PIWIL3: variants seen among roughly 807,000 people sequenced by gnomAD.
PIWIL3 encodes the protein piwi-like protein 3.
A neutral mutation model predicts 109.7 loss-of-function variants in PIWIL3; 101 were observed. That is an observed-to-expected ratio of 0.92 (90% CI 0.78 to 1.09). The LOEUF is 1.09. Ranked by LOEUF, PIWIL3 falls within the 50% of genes least tolerant of loss-of-function variation. The pLI is 0.00. For missense variants in PIWIL3, 1,031 were observed against 1,072.6 expected, an observed-to-expected ratio of 0.96 and a Z score of 0.54; for synonymous variants, 373 against 376.4, an observed-to-expected ratio of 0.99 and a Z score of 0.10.
chr22:24,721,558 A>G (rs1221794260), intron 19 of PIWIL3, among the ~76,000 whole-genome samples: 16 of 152,068 alleles, frequency 1.1e-4, no homozygotes, highest in Non-Finnish European at 1.5e-5. Context: ...CATATCTTCC[A>G]TATCTTTATG....
chr22:24,744,321 C>A (rs1000693982), intron 12 of PIWIL3, among the ~76,000 whole-genome samples: 4 of 151,706 alleles, frequency 2.6e-5, no homozygotes, highest in Non-Finnish European at 4.4e-5. Context: ...GCCTGTAATC[C>A]CAGCACTTTG....
At chr22:24,729,740 G>A (rs9620429) in intron 14 of PIWIL3, among the ~76,000 whole-genome samples, 3,159 of 152,272 alleles carry the variant, frequency 0.021, 104 homozygotes, top group African/African-American at 0.067. Flanking sequence ...TCACATGAAA[G>A]GGTGTAGAAT....
intron 7 of PIWIL3, 79 bp downstream of exon 7, chr22:24,754,705 C>T: frequency 8.2e-7 from 1 of 1,218,640 alleles, no homozygotes; most frequent in Non-Finnish European, 1.2e-6. Flanking sequence ...CATACCACTT[C>T]AAATATGAAA....
At chr22:24,724,592 G>T (rs779958715) in intron 18 of PIWIL3, among the ~76,000 whole-genome samples, 66 of 151,824 alleles carry the variant, frequency 4.3e-4, no homozygotes, top group Admixed American at 2.3e-3. Flanking sequence ...GCACCACCAC[G>T]CCCGGCTAAT....
At chr22:24,729,579 G>T (rs904880424) in intron 14 of PIWIL3, among the ~76,000 whole-genome samples, 2 of 152,178 alleles carry the variant, frequency 1.3e-5, no homozygotes, top group African/African-American at 4.8e-5. Context: ...CAGTTAGGCA[G>T]ACTGGTTACT....
intron 3 of PIWIL3, among the ~76,000 whole-genome samples, chr22:24,758,414 T>C (rs1457111374): frequency 6.6e-6 from 1 of 152,230 alleles, no homozygotes; most frequent in Non-Finnish European, 1.5e-5. Flanking sequence ...AAAAAATCTA[T>C]AAAACTGGCT....
intron 12 of PIWIL3, among the ~76,000 whole-genome samples, chr22:24,747,427 A>C (rs1924437549): frequency 6.6e-6 from 1 of 152,188 alleles, no homozygotes; most frequent in South Asian, 2.1e-4. Context: ...CCCCACAAGC[A>C]CAGGCAACTA....
intron 12 of PIWIL3, among the ~76,000 whole-genome samples, chr22:24,739,821 C>T (rs576418464): frequency 2.6e-5 from 4 of 152,060 alleles, no homozygotes; most frequent in South Asian, 4.2e-4. Context: ...GAGGCCGAGG[C>T]GGGAGGATCA....
intron 16 of PIWIL3, among the ~76,000 whole-genome samples, chr22:24,726,539 C>T (rs1035465049): frequency 1.3e-5 from 2 of 152,176 alleles, no homozygotes; most frequent in African/African-American, 2.4e-5. Flanking sequence ...CCCGCCTCAG[C>T]CTCCCAAAGT....
chr22:24,729,411 G>C (rs1420112280), intron 14 of PIWIL3, among the ~76,000 whole-genome samples: 1 of 152,110 alleles, frequency 6.6e-6, no homozygotes, highest in South Asian at 2.1e-4. Context: ...GGCACTTGCC[G>C]AGTGGTTCAC....
intron 1 of PIWIL3, among the ~76,000 whole-genome samples, chr22:24,767,311 G>A (rs1034678888): frequency 1.8e-4 from 27 of 151,968 alleles, no homozygotes; most frequent in South Asian, 6.2e-4. Flanking sequence ...TGAGGTGGGC[G>A]GATAACCTGA....
chr22:24,755,390 T>C lies in PIWIL3; in HGVS notation c.692+394A>G, dbSNP rs532630239. On this transcript the variant is annotated intron_variant, in intron 6 of 20. Transcript: ENST00000616349. ...CACCCGCCTCAGCCTCCCAAAGTGC[T>C]GGGATTACAGGCGTGAGCCACCACG... 3.3e-5 allele frequency among the ~76,000 whole-genome samples: 5 copies of C among 152,372 alleles called. No individual in the cohort carries two copies. The South Asian group carries it at 1.0e-3, about 32-fold the overall frequency.
At position 24,754,787 on chromosome 22, in the gene PIWIL3, T is replaced by G. The variant is rs747858803; in HGVS notation, c.770A>C (p.His257Pro). The G allele has an allele frequency of 6.2e-7, 1 of 1,601,540 alleles. No individual in the cohort carries two copies. The highest frequency in any genetic ancestry group is 8.6e-7 in the Non-Finnish European group (1 of 1,168,748). ...TKKKAIQLYR[H>P]GTSLEIWLGY... is the part of the protein sequence containing the mutation. The stretch of plus-strand genomic sequence containing the variant: ...AAATTTTCTACTTTATACAAACCCA[T>G]GACGGTATAACTGAATGGCCTTCTT... The change falls in exon 7 of 21, where the codon CAT becomes CCT. Residue 257 changes from histidine to proline, a missense_variant. Physicochemically the swap from His to Pro is moderately conservative, Grantham distance 77. Coordinates refer to ENST00000616349, the MANE Select transcript of PIWIL3 (RefSeq NM_001255975.1).
At chr22:24,738,809 C>T (rs975624513) in intron 12 of PIWIL3, among the ~76,000 whole-genome samples, 1 of 152,090 alleles carries the variant, frequency 6.6e-6, no homozygotes, top group African/African-American at 2.4e-5. Context: ...TTTCAATGCC[C>T]AAACACTCAT....
At chr22:24,751,353 A>T in intron 9 of PIWIL3, 34 bp downstream of exon 9, 1 of 1,544,772 alleles carries the variant, frequency 6.5e-7, no homozygotes, top group Non-Finnish European at 8.8e-7. Context: ...AAGGTTTACA[A>T]TTTAAATATA....
Position 24,755,887 on chromosome 22 carries a change from T to TG in PIWIL3, c.588dup (p.Thr197HisfsTer13), listed in dbSNP as rs1924998860. 2 of 1,613,590 alleles carry TG rather than the reference T, an allele frequency of 1.2e-6. No homozygotes were observed. Among genetic ancestry groups the TG allele is most frequent in the Non-Finnish European group, 1.7e-6 (2 of 1,179,788 alleles). On this transcript the variant is annotated frameshift_variant, in exon 6 of 21. Transcript: ENST00000616349. LOFTEE classifies it high-confidence loss of function. ...TTCACGATGTTTTTGTCTTTGGTTG[T>TG]GCTCAACCATTCCACTCTCTGAGAT...
intron 20 of PIWIL3, 25 bp downstream of exon 20, chr22:24,719,723 G>GA (rs1922546665): frequency 6.3e-7 from 1 of 1,596,622 alleles, no homozygotes; most frequent in Non-Finnish European, 8.6e-7. Flanking sequence ...AAAATCTGAA[G>GA]AAAAAAGTAA....
chr22:24,770,881 A>G (rs1926097673), intron 1 of PIWIL3, among the ~76,000 whole-genome samples: 1 of 151,722 alleles, frequency 6.6e-6, no homozygotes, highest in Admixed American at 6.6e-5. Flanking sequence ...AAGAAAAATA[A>G]ACCAAGCATG....
intron 17 of PIWIL3, 69 bp downstream of exon 17, chr22:24,725,375 AG>A (rs1922927799): frequency 6.4e-7 from 1 of 1,559,874 alleles, no homozygotes; most frequent in African/African-American, 1.4e-5. Context: ...TGTCCCCTGG[AG>A]GCAGTAAGTC....
Sources: gnomAD v4.1 joint callset for allele counts (sites outside exome capture counted in the v4.1 genomes callset) on GRCh38, gnomAD v4.1.1 for gene constraint, MANE v1.5 for transcripts, NCBI Gene and HGNC (gene_info 2026-07-23, HGNC 2026-07-21) for gene names.